The following TRAPPC9 variants were observed in gnomAD, a reference collection of about 807,000 sequenced individuals.
TRAPPC9 encodes the protein IKK2 binding protein.
A neutral mutation model predicts 124.0 loss-of-function variants in TRAPPC9; 83 were observed. That is an observed-to-expected ratio of 0.67 (90% confidence interval 0.56 to 0.80). The LOEUF (loss-of-function observed/expected upper bound fraction) is 0.80. TRAPPC9 is among the 30% of genes least tolerant of loss of function. The pLI, the probability that TRAPPC9 is intolerant of heterozygous loss-of-function variation, is 0.00. For missense variants in TRAPPC9, 1,302 were observed against 1,508.3 expected (o/e 0.86, Z 2.27); for synonymous variants, 638 against 617.5 (o/e 1.03, Z -0.49).
Position 140,382,889 on chromosome 8 carries a change from C to A in TRAPPC9, c.1135-11709G>T, listed in dbSNP as rs528245329. Among the ~76,000 whole-genome samples, 26 of 152,194 alleles carry A rather than the reference C, an allele frequency of 1.7e-4. No homozygotes were observed. In the East Asian group the frequency reaches 5.0e-3, roughly 29 times the overall value. On this transcript the variant is annotated intron_variant, in intron 7 of 22. Coordinates refer to ENST00000438773, the MANE Select transcript of TRAPPC9 (RefSeq NM_001160372.4). ...AAGTGGGTCCCTGACCCCCAAGTAGCCTAACTTGGGGGGAGGCACCCCCCA... is the reference window on the plus strand; with the variant it reads ...AAGTGGGTCCCTGACCCCCAAGTAGACTAACTTGGGGGGAGGCACCCCCCA...
At chr8:139,900,150 C>T (rs925036106) in intron 20 of TRAPPC9, among the ~76,000 whole-genome samples, 1 of 152,230 alleles carries the variant, frequency 6.6e-6, no homozygotes, top group African/African-American at 2.4e-5. Context: ...TAAGCTCCCT[C>T]ACAGCTTGCT....
chr8:140,040,125 G>C (rs1376600112), intron 17 of TRAPPC9: 1 of 152,262 alleles, frequency 6.6e-6, no homozygotes, highest in Non-Finnish European at 1.5e-5. Flanking sequence ...TATATCATGA[G>C]AAGCGTGAAA....
At chr8:140,115,038 C>T (rs1398621753) in intron 17 of TRAPPC9, among the ~76,000 whole-genome samples, 1 of 152,092 alleles carries the variant, frequency 6.6e-6, no homozygotes, top group African/African-American at 2.4e-5. Context: ...AGTAAAACTG[C>T]AGGTAATAAA....
At chr8:140,215,777 G>A (rs1305205957) in intron 17 of TRAPPC9, 1 of 152,160 alleles carries the variant, frequency 6.6e-6, no homozygotes, top group East Asian at 1.9e-4. Flanking sequence ...CAAGGATTGA[G>A]GAAACCTGGG....
intron 6 of TRAPPC9, among the ~76,000 whole-genome samples, chr8:140,405,107 T>A (rs1044774675): frequency 1.3e-5 from 2 of 152,184 alleles, no homozygotes; most frequent in African/African-American, 2.4e-5. Context: ...ACATTTGGAA[T>A]GCAAAATTGT....
intron 21 of TRAPPC9, among the ~76,000 whole-genome samples, chr8:139,820,007 CAAAAAAAAAAAAA>C (rs35064399): frequency 6.6e-4 from 34 of 51,826 alleles, no homozygotes; most frequent in Admixed American, 5.0e-3. Flanking sequence ...GACTCTGTCT[CAAAAAAAAAAAAA>C]AAAAAAAAAA....
At chr8:140,198,089 C>G (rs2062709784) in intron 17 of TRAPPC9, among the ~76,000 whole-genome samples, 1 of 152,190 alleles carries the variant, frequency 6.6e-6, no homozygotes, top group Admixed American at 6.5e-5. Context: ...CTGAAACTGC[C>G]TTTGCAAAAT....
chr8:139,968,895 A>G (rs1835886769), intron 19 of TRAPPC9, among the ~76,000 whole-genome samples: 1 of 152,214 alleles, frequency 6.6e-6, no homozygotes, highest in South Asian at 2.1e-4. Context: ...CCGTCTCTGC[A>G]GCCCAGAAGC....
intron 15 of TRAPPC9, among the ~76,000 whole-genome samples, chr8:140,266,774 G>A (rs2064677888): frequency 6.6e-6 from 1 of 151,034 alleles, no homozygotes. Flanking sequence ...GCAGGAGAAT[G>A]GTGTGAACCC....
intron 21 of TRAPPC9, among the ~76,000 whole-genome samples, chr8:139,871,899 G>C (rs1828926635): frequency 6.6e-6 from 1 of 152,226 alleles, no homozygotes; most frequent in Non-Finnish European, 1.5e-5. Context: ...GAATGGATGG[G>C]TGAGTGGGAG....
chr8:139,922,277 A>T (rs1832562070), intron 19 of TRAPPC9, among the ~76,000 whole-genome samples: 2 of 151,640 alleles, frequency 1.3e-5, no homozygotes. Context: ...CCTGCCTCGC[A>T]GGTTCAAGCG....
intron 21 of TRAPPC9, among the ~76,000 whole-genome samples, chr8:139,766,911 C>A (rs769669949): frequency 2.0e-5 from 3 of 152,254 alleles, no homozygotes; most frequent in Admixed American, 6.5e-5. Context: ...CCTGTGGCTA[C>A]AGCACTTATC....
intron 21 of TRAPPC9, among the ~76,000 whole-genome samples, chr8:139,838,127 A>G (rs975674309): frequency 9.2e-5 from 14 of 152,100 alleles, no homozygotes; most frequent in African/African-American, 3.4e-4. Flanking sequence ...CCACAGCCAC[A>G]GCCCCAAACC....
chr8:140,179,992 G>GTTTTTTTTTT (rs2062159657), intron 17 of TRAPPC9, among the ~76,000 whole-genome samples: 2 of 49,116 alleles, frequency 4.1e-5, no homozygotes, highest in Non-Finnish European at 8.5e-5. Flanking sequence ...GTTATATCTT[G>GTTTTTTTTTT]ATTTTTTTTT....
chr8:140,311,190 C>T, intron 10 of TRAPPC9, 58 bp downstream of exon 10: 1 of 1,590,052 alleles, frequency 6.3e-7, no homozygotes, highest in East Asian at 2.2e-5. Context: ...CACAATCAGA[C>T]TAGAGGACGG....
intron 17 of TRAPPC9, among the ~76,000 whole-genome samples, chr8:140,157,075 A>AAGCCTCCCTTTCCATTCAG (rs2061655446): frequency 2.1e-5 from 1 of 48,680 alleles, no homozygotes; most frequent in Non-Finnish European, 5.2e-5. Context: ...TTTCCATTCA[A>AAGCCTCCCTTTCCATTCAG]AAGCCTCCCT....
chr8:140,263,057 C>T (rs116610692), intron 15 of TRAPPC9, among the ~76,000 whole-genome samples: 155 of 152,304 alleles, frequency 1.0e-3, no homozygotes, highest in African/African-American at 3.6e-3. Flanking sequence ...GCAGAGCCCT[C>T]GGTAGCACTC....
intron 17 of TRAPPC9, among the ~76,000 whole-genome samples, chr8:140,119,937 T>C (rs1215784379): frequency 6.6e-6 from 1 of 152,218 alleles, no homozygotes; most frequent in Non-Finnish European, 1.5e-5. Flanking sequence ...CACATCTCAG[T>C]ACCCTTGGCA....
At chr8:140,184,077 T>C (rs1425744109) in intron 17 of TRAPPC9, among the ~76,000 whole-genome samples, 1 of 151,648 alleles carries the variant, frequency 6.6e-6, no homozygotes, top group Non-Finnish European at 1.5e-5. Flanking sequence ...TGACTGCCAA[T>C]GTCAGCAGTC....
Sources: gnomAD v4.1 joint callset for allele counts (sites outside exome capture counted in the v4.1 genomes callset) on GRCh38, gnomAD v4.1.1 for gene constraint, MANE v1.5 for transcripts, NCBI Gene and HGNC (gene_info 2026-07-23, HGNC 2026-07-21) for gene names.